Variants in URB1 observed in about 807,000 individuals in gnomAD.
URB1 encodes the protein URB1 ribosome biogenesis factor.
URB1 carries 197 observed loss-of-function variants against 242.3 expected under a neutral mutation model. The observed-to-expected ratio is 0.81, with a 90% confidence interval of 0.72 to 0.91. The LOEUF (loss-of-function observed/expected upper bound fraction) is 0.91. Ranked by LOEUF, URB1 falls within the 40% of genes least tolerant of loss-of-function variation. The pLI is 0.00. For synonymous variants in URB1, 1,153 were observed against 1,201.8 expected (o/e 0.96, Z 0.84); for missense variants, 2,721 against 2,860.5 (o/e 0.95, Z 1.11).
chr21:32,343,062 G>A (rs1280712501), intron 24 of URB1, among the ~76,000 whole-genome samples: 1 of 152,014 alleles, frequency 6.6e-6, no homozygotes, highest in Non-Finnish European at 1.5e-5. Context: ...CACACAGCAT[G>A]CATAATATCC....
At position 32,321,883 on chromosome 21, in the gene URB1, C is replaced by T; in HGVS notation, c.5402G>A (p.Cys1801Tyr). ...GCCACGCCGGGCACACAGTTCGTAG[C>T]ACTGCTTGTCACGGATCCCCTGCCG... ...VLRQGIRDKQ[C>Y]YELCARRGIF... is the part of the protein sequence containing the mutation. The change falls in exon 34 of 39, where the codon TGC becomes TAC. Residue 1801 changes from cysteine to tyrosine, a missense_variant. Physicochemically the swap from Cys to Tyr is radical, Grantham distance 194 (BLOSUM62 -2). Coordinates refer to ENST00000382751, the MANE Select transcript of URB1 (RefSeq NM_014825.3). The T allele has an allele frequency of 1.3e-6, 2 of 1,551,696 alleles. No individual in the cohort carries two copies. Among genetic ancestry groups the T allele is most frequent in the Non-Finnish European group, 8.7e-7 (1 of 1,146,992 alleles).
chr21:32,341,672 A>T, intron 24 of URB1, 148 bp from the exon 25 acceptor site: 1 of 685,570 alleles, frequency 1.5e-6, no homozygotes, highest in Non-Finnish European at 2.4e-6. Flanking sequence ...GGTTGAAAAG[A>T]GGAGCGCTGG....
intron 1 of URB1, among the ~76,000 whole-genome samples, chr21:32,390,346 T>C (rs965357782): frequency 1.2e-4 from 19 of 152,228 alleles, no homozygotes; most frequent in Non-Finnish European, 2.1e-4. Flanking sequence ...CCTACAATCC[T>C]TTTGAAAAGC....
chr21:32,355,357 G>T, intron 16 of URB1, 92 bp downstream of exon 16: 1 of 1,116,676 alleles, frequency 9.0e-7, no homozygotes, highest in Non-Finnish European at 1.3e-6. Context: ...GAAGCCTTTT[G>T]GTGCTGGTGC....
intron 38 of URB1, 137 bp downstream of exon 38, chr21:32,316,329 G>C (rs1447454441): frequency 4.6e-5 from 61 of 1,336,428 alleles, no homozygotes; most frequent in Non-Finnish European, 5.5e-5. Context: ...GAACCGTAAG[G>C]GGCCACCTAA....
chr21:32,365,886 C>T (rs1391394261), intron 10 of URB1, among the ~76,000 whole-genome samples: 2 of 152,182 alleles, frequency 1.3e-5, no homozygotes, highest in Non-Finnish European at 2.9e-5. Flanking sequence ...CCTGGAAGGA[C>T]GAAGACACCC....
chr21:32,371,646 T>C (rs1329734047), intron 8 of URB1, among the ~76,000 whole-genome samples: 2 of 152,184 alleles, frequency 1.3e-5, no homozygotes, highest in African/African-American at 4.8e-5. Flanking sequence ...TGGCTGAAAT[T>C]AGAAGTAAAT....
At chr21:32,371,787 T>C (rs1364968866) in intron 8 of URB1, among the ~76,000 whole-genome samples, 1 of 151,522 alleles carries the variant, frequency 6.6e-6, no homozygotes, top group East Asian at 1.9e-4. Context: ...AAAAAGCAGA[T>C]AGGATGAACA....
chr21:32,334,692 T>C (rs533849500), intron 28 of URB1, among the ~76,000 whole-genome samples: 1 of 152,232 alleles, frequency 6.6e-6, no homozygotes, highest in East Asian at 1.9e-4. Context: ...CGGAGAGGAT[T>C]AAGCAAGTTG....
Position 32,384,397 on chromosome 21 carries a change from T to C in URB1, c.350A>G (p.His117Arg), listed in dbSNP as rs1601159723. 1 of 1,552,158 alleles carries C rather than the reference T, an allele frequency of 6.4e-7. No homozygotes were observed. The highest frequency in any genetic ancestry group is 1.4e-5 in the African/African-American group (1 of 73,158). ...LRTASDLSHF[H>R]VVGTNIVKKL... Reference sequence around the variant, plus strand: ...TTTCACAATGTTGGTTCCCACAACATGGAAATGTGAAAGATCACTTGCTGT... The same window carrying C: ...TTTCACAATGTTGGTTCCCACAACACGGAAATGTGAAAGATCACTTGCTGT... Residue 117 changes from histidine (H) to arginine (R), a missense_variant, in exon 3 of 39, where the codon CAT (histidine) becomes CGT (arginine). Physicochemically the swap from His to Arg is conservative, Grantham distance 29. Transcript: ENST00000382751.
At chr21:32,315,292 T>C (rs1465755529) in intron 38 of URB1, among the ~76,000 whole-genome samples, 193 bp from the exon 39 acceptor site, 2 of 147,606 alleles carry the variant, frequency 1.4e-5, no homozygotes, top group Admixed American at 1.4e-4. Context: ...ATCTTTTTTA[T>C]TATTAAAAAG....
Position 32,333,431 on chromosome 21 carries a change from A to G in URB1, c.4858-12T>C. 1 of 1,544,542 alleles carries G rather than the reference A, an allele frequency of 6.5e-7. No homozygotes were observed. ...AGCTCCTGTGTGTCCTGAAAGAGCC[A>G]AAATCAACAAAAACGTGTGATTCAA... is the stretch of plus-strand genomic sequence containing the variant. On this transcript the variant is annotated splice_polypyrimidine_tract_variant and intron_variant, in intron 29 of 38. Transcript: ENST00000382751.
In URB1 at chr21:32,368,466, T is replaced by C. The variant is rs752233849; in HGVS notation, c.1134A>G (p.Val378=). Residue 378 remains valine (V), a synonymous_variant, in exon 9 of 39, where the codon GTA becomes GTG. Transcript: ENST00000382751. The part of the protein sequence containing the change: ...PDLLNKYFKE[V]TFSFIPRAKS... The stretch of plus-strand genomic sequence containing the variant: ...TCGCTCGTGGGATAAAGGAAAACGT[T>C]ACTTCCTTGAAGTATTTGTTCAGTA... 2 of 1,551,896 alleles carry C rather than the reference T, an allele frequency of 1.3e-6. No individual in the cohort carries two copies. The highest frequency in any genetic ancestry group is 2.4e-5 in the East Asian group (1 of 40,926).
chr21:32,370,284 T>C (rs1481217674), intron 8 of URB1, among the ~76,000 whole-genome samples: 2 of 151,978 alleles, frequency 1.3e-5, no homozygotes, highest in Non-Finnish European at 2.9e-5. Context: ...TTACATATAG[T>C]AAAAAAAGTT....
chr21:32,314,921 A>T lies in URB1; in HGVS notation c.6813T>A (p.Ala2271=). The T allele has an allele frequency of 6.5e-7, 1 of 1,550,132 alleles. No individual in the cohort carries two copies. The change falls in exon 39 of 39, where the codon GCT becomes GCA. Residue 2271 remains alanine (A), a synonymous_variant. Transcript: ENST00000382751. Reference sequence around the variant, plus strand: ...GCAAGGTGCTGGCCGGCAGGAGTCAAGCATCTGAGGCTGCGCTGGCGGCGT... The same window carrying T: ...GCAAGGTGCTGGCCGGCAGGAGTCATGCATCTGAGGCTGCGCTGGCGGCGT... The part of the protein sequence containing the change: ...CKDAASAASD[A]
At chr21:32,377,272 G>A (rs1286899923) in intron 5 of URB1, 1 of 516,170 alleles carries the variant, frequency 1.9e-6, no homozygotes, top group Non-Finnish European at 3.9e-6. Context: ...CTGGCATGGG[G>A]TACTATGAGA....
At chr21:32,322,380 C>A in intron 33 of URB1, 98 bp downstream of exon 33, 1 of 1,117,338 alleles carries the variant, frequency 8.9e-7, no homozygotes, top group South Asian at 1.4e-5. Flanking sequence ...GTTGGCCGTG[C>A]AGCATACAGG....
At chr21:32,337,734 T>C (rs1006981828) in intron 26 of URB1, among the ~76,000 whole-genome samples, 5 of 151,958 alleles carry the variant, frequency 3.3e-5, no homozygotes, top group Admixed American at 6.5e-5. Flanking sequence ...GGTCGTGCTA[T>C]GTTGCCCAGG....
intron 24 of URB1, 54 bp downstream of exon 24, chr21:32,344,516 A>G (rs2033063630): frequency 6.5e-7 from 1 of 1,530,106 alleles, no homozygotes; most frequent in African/African-American, 1.4e-5. Flanking sequence ...TGGTTTGTCT[A>G]GCATACTCTT....
Sources: allele counts gnomAD v4.1 joint callset (sites outside exome capture counted in the v4.1 genomes callset), GRCh38; gene constraint gnomAD v4.1.1; transcripts MANE v1.5; gene names NCBI Gene and HGNC (gene_info 2026-07-23, HGNC 2026-07-21).